GHR: variants seen among roughly 807,000 people sequenced by gnomAD.
GHR encodes growth hormone receptor.
A neutral mutation model predicts 67.1 loss-of-function variants in GHR; 35 were observed. That is an observed-to-expected ratio of 0.52 (90% confidence interval 0.40 to 0.69). The LOEUF (loss-of-function observed/expected upper bound fraction) is 0.69, where lower values mean the gene tolerates loss of function less well. Ranked by LOEUF, GHR falls within the 30% of genes least tolerant of loss-of-function variation. GHR has a pLI of 0.00. For synonymous variants in GHR, 272 were observed against 269.1 expected (o/e 1.01, Z -0.10); for missense variants, 792 against 764.6 (o/e 1.04, Z -0.42).
At chr5:42,672,316 G>A (rs1015059660) in intron 3 of GHR, among the ~76,000 whole-genome samples, 9 of 152,150 alleles carry the variant, frequency 5.9e-5, no homozygotes, top group African/African-American at 2.2e-4. Flanking sequence ...CAAAATCAAT[G>A]TGCAAAAATC....
chr5:42,621,410 C>T (rs1236746979), intron 2 of GHR, among the ~76,000 whole-genome samples: 3 of 152,052 alleles, frequency 2.0e-5, no homozygotes, highest in East Asian at 1.9e-4. Context: ...TAATTGCAAG[C>T]GGATATCTCA....
chr5:42,564,682 CG>C (rs1185685044), intron 1 of GHR, among the ~76,000 whole-genome samples: 12 of 152,098 alleles, frequency 7.9e-5, no homozygotes, highest in African/African-American at 2.9e-4. Context: ...CAGCCATTGC[CG>C]GGGGCCACAT....
chr5:42,531,078 G>A (rs1472677157), intron 1 of GHR, among the ~76,000 whole-genome samples: 1 of 152,030 alleles, frequency 6.6e-6, no homozygotes, highest in Non-Finnish European at 1.5e-5. Context: ...GACTAGCCTC[G>A]CCAAAACAGT....
At chr5:42,502,218 G>A (rs928030700) in intron 1 of GHR, among the ~76,000 whole-genome samples, 21 of 152,154 alleles carry the variant, frequency 1.4e-4, no homozygotes, top group Non-Finnish European at 2.8e-4. Flanking sequence ...CAGTGATTCA[G>A]CCCCTGGGAT....
At chr5:42,715,611 T>G (rs1758684226) in intron 8 of GHR, among the ~76,000 whole-genome samples, 1 of 152,180 alleles carries the variant, frequency 6.6e-6, no homozygotes, top group Middle Eastern at 3.2e-3. Flanking sequence ...AGGAAAGAAA[T>G]AACTGAATCA....
intron 3 of GHR, among the ~76,000 whole-genome samples, chr5:42,662,196 C>T (rs1023991638): frequency 2.6e-5 from 4 of 152,088 alleles, no homozygotes; most frequent in South Asian, 4.1e-4. Flanking sequence ...GACAGATCAA[C>T]GGGACAGAAA....
intron 2 of GHR, among the ~76,000 whole-genome samples, chr5:42,588,230 A>G (rs939456571): frequency 5.9e-5 from 9 of 152,066 alleles, no homozygotes. Flanking sequence ...GAAGTAACCT[A>G]TACTTTTGGC....
chr5:42,515,865 G>C (rs945308662), intron 1 of GHR, among the ~76,000 whole-genome samples: 2 of 152,182 alleles, frequency 1.3e-5, no homozygotes, highest in Non-Finnish European at 2.9e-5. Flanking sequence ...TAGGTATGTT[G>C]ATCTTGTAGG....
At chr5:42,477,187 C>A (rs1453783607) in intron 1 of GHR, among the ~76,000 whole-genome samples, 1 of 151,934 alleles carries the variant, frequency 6.6e-6, no homozygotes, top group Non-Finnish European at 1.5e-5. Flanking sequence ...CCAGTTTCAT[C>A]CATGTCCCTA....
intron 2 of GHR, among the ~76,000 whole-genome samples, chr5:42,595,522 A>C (rs1752021028): frequency 1.3e-5 from 2 of 152,176 alleles, no homozygotes; most frequent in African/African-American, 4.8e-5. Flanking sequence ...CTTATTTCTC[A>C]GGTCTCACTT....
intron 1 of GHR, among the ~76,000 whole-genome samples, chr5:42,483,433 A>T (rs1045669415): frequency 6.6e-6 from 1 of 151,914 alleles, no homozygotes; most frequent in Admixed American, 6.6e-5. Context: ...AGTTCATTTC[A>T]GCCCCATTGG....
chr5:42,537,075 A>G (rs1030569235), intron 1 of GHR, among the ~76,000 whole-genome samples: 2 of 151,984 alleles, frequency 1.3e-5, no homozygotes, highest in African/African-American at 4.8e-5. Context: ...AATCTTACTA[A>G]TGGTCTATTG....
chr5:42,565,384 T>G, intron 1 of GHR: 2 of 880,016 alleles, frequency 2.3e-6, no homozygotes, highest in Non-Finnish European at 2.7e-6. Flanking sequence ...TTGAGTGGTT[T>G]GAGCTCTTTT....
In GHR at chr5:42,695,061, T is replaced by G; in HGVS notation, c.411T>G (p.Asp137Glu). 4 of 1,611,512 alleles carry G rather than the reference T, an allele frequency of 2.5e-6. No individual in the cohort carries two copies. The highest frequency in any genetic ancestry group is 1.7e-4 in the Middle Eastern group (1 of 6,058). ...IKLTSNGGTV[D>E]EKCFSVDEIV... Reference sequence around the variant, plus strand: ...TAACTAGCAATGGTGGTACAGTGGATGAAAAGTGTTTCTCTGTTGATGAAA... The same window carrying G: ...TAACTAGCAATGGTGGTACAGTGGAGGAAAAGTGTTTCTCTGTTGATGAAA... The change falls in exon 5 of 10, where the codon GAT becomes GAG. Residue 137 changes from aspartate (D) to glutamate (E), a missense_variant. Transcript: ENST00000230882.
In GHR at chr5:42,477,459, C is replaced by T. The variant is rs1420985032; in HGVS notation, c.-12+53504C>T. Reference sequence around the variant, plus strand: ...TCTAGATCCCTGAGGAATCGCCACACTGACTTCCACAGTGGTTGAACTAGT... The same window carrying T: ...TCTAGATCCCTGAGGAATCGCCACATTGACTTCCACAGTGGTTGAACTAGT... On this transcript the variant is annotated intron_variant, in intron 1 of 9. Coordinates refer to ENST00000230882, the MANE Select transcript of GHR (RefSeq NM_000163.5). Among the ~76,000 whole-genome samples the T allele has an allele frequency of 2.6e-5, 4 of 152,226 alleles. No individual in the cohort carries two copies. In the East Asian group the frequency reaches 5.8e-4, roughly 22 times the overall value.
At chr5:42,646,467 C>T (rs1445212948) in intron 3 of GHR, 4 of 343,072 alleles carry the variant, frequency 1.2e-5, no homozygotes, top group Non-Finnish European at 2.3e-5. Context: ...TTTTATTTAC[C>T]CAGGTAAATA....
intron 1 of GHR, among the ~76,000 whole-genome samples, chr5:42,443,528 T>C (rs1743671349): frequency 6.6e-6 from 1 of 152,310 alleles, no homozygotes; most frequent in Non-Finnish European, 1.5e-5. Context: ...CACAGGATGA[T>C]TCAGGTAGAC....
chr5:42,656,143 A>G (rs908433558), intron 3 of GHR, among the ~76,000 whole-genome samples: 4 of 152,112 alleles, frequency 2.6e-5, no homozygotes, highest in African/African-American at 9.6e-5. Flanking sequence ...ACTACAAACA[A>G]CCCCTCTGAA....
chr5:42,716,177 A>G lies in GHR; in HGVS notation c.876-1875A>G, dbSNP rs561773508. On this transcript the variant is annotated intron_variant, in intron 8 of 9. Coordinates refer to ENST00000230882, the MANE Select transcript of GHR (RefSeq NM_000163.5). ...ATTTCGAGATGCAGAATCAAAAAAA[A>G]AAAAACAAAACAGCGAAACAGCAGC... 1.6e-3 allele frequency among the ~76,000 whole-genome samples: 249 copies of G among 152,168 alleles called. 1 individual carries two copies. The highest frequency in any genetic ancestry group is 5.7e-3 in the African/African-American group (237 of 41,540).
Sources: gnomAD v4.1 joint callset for allele counts (sites outside exome capture counted in the v4.1 genomes callset) on GRCh38, gnomAD v4.1.1 for gene constraint, MANE v1.5 for transcripts, NCBI Gene and HGNC (gene_info 2026-07-23, HGNC 2026-07-21) for gene names.